STAB2: variants seen among roughly 807,000 people sequenced by gnomAD.
STAB2 encodes stabilin-2.
Under a neutral mutation model 338.1 loss-of-function variants are expected in STAB2, and 288 were observed. The ratio of observed to expected loss-of-function variants is 0.85; its 90% CI spans 0.77 to 0.94. The LOEUF is 0.94. Ranked by LOEUF, STAB2 falls within the 40% of genes least tolerant of loss-of-function variation. STAB2 has a pLI of 0.00. For missense variants in STAB2, 3,141 were observed against 3,210.1 expected (o/e 0.98, Z 0.52); for synonymous variants, 1,202 against 1,193.3 (o/e 1.01, Z -0.15).
chr12:103,713,200 G>A (rs1252536216), intron 41 of STAB2, among the ~76,000 whole-genome samples: 4 of 152,210 alleles, frequency 2.6e-5, no homozygotes, highest in Admixed American at 2.6e-4. Flanking sequence ...AACAGACCCA[G>A]CACATAGAAT....
rs1593197756 is a variant in STAB2 at position 103,663,195 on chromosome 12, G to A, written c.2022+197G>A. Among the ~76,000 whole-genome samples the A allele has an allele frequency of 2.0e-5, 3 of 152,162 alleles. No homozygotes were observed. In the South Asian group the frequency reaches 6.2e-4, roughly 32 times the overall value. ...TAAACTGTGAACCACAGTTCCTTGG[G>A]GAATTTCCGCAATGATAGATGCTGC... is the stretch of plus-strand genomic sequence containing the variant. On this transcript the variant is annotated intron_variant, in intron 18 of 68. Transcript: ENST00000388887.
At position 103,604,869 on chromosome 12, in the gene STAB2, C is replaced by T. The variant is rs79494134; in HGVS notation, c.331+10359C>T. 3.7e-3 allele frequency among the ~76,000 whole-genome samples: 562 copies of T among 151,476 alleles called. 6 individuals carry two copies. Among genetic ancestry groups the T allele is most frequent in the African/African-American group, 0.013 (544 of 41,390 alleles). ...CACTGCACTTTATACCTCCTATCTT[C>T]TGCTTGCTTGGGTTTCATGTGCTAT... On this transcript the variant is annotated intron_variant, in intron 3 of 68. Transcript: ENST00000388887.
Position 103,715,821 on chromosome 12 carries a change from AC to A in STAB2, c.4547del (p.Pro1516ArgfsTer45). ...TTGGCTTTTTGTTTTAAAGAAATCA[AC>A]CCGTGTTTGGAGAACCATGGTGGCT... Reference protein sequence around the residue: ...TGDGIVCLEINPCLENHGGCD... With the variant: ...TGDGIVCLEIXPCLENHGGCD... On this transcript the variant is annotated frameshift_variant, in exon 43 of 69. Coordinates refer to ENST00000388887, the MANE Select transcript of STAB2 (RefSeq NM_017564.10). LOFTEE classifies it high-confidence loss of function. 4 of 1,614,050 alleles carry A rather than the reference AC, an allele frequency of 2.5e-6. No individual in the cohort carries two copies. Among genetic ancestry groups the A allele is most frequent in the Non-Finnish European group, 3.4e-6 (4 of 1,179,976 alleles).
At chr12:103,747,589 A>G (rs1883167770) in intron 58 of STAB2, among the ~76,000 whole-genome samples, 1 of 152,152 alleles carries the variant, frequency 6.6e-6, no homozygotes, top group South Asian at 2.1e-4. Flanking sequence ...ATCTGCTCCC[A>G]TCCCATTGGC....
chr12:103,711,632 A>G, intron 40 of STAB2, 116 bp downstream of exon 40: 1 of 1,211,502 alleles, frequency 8.3e-7, no homozygotes, highest in Non-Finnish European at 1.2e-6. Flanking sequence ...CTGAGGGCTT[A>G]GGATAAACTT....
At chr12:103,683,451 A>G (rs1282678057) in intron 26 of STAB2, 151 bp downstream of exon 26, 2 of 594,414 alleles carry the variant, frequency 3.4e-6, no homozygotes, top group African/African-American at 1.9e-5. Context: ...AGTTATTGCA[A>G]CTTCTACTTC....
chr12:103,764,384 G>T (rs1884766355), intron 68 of STAB2, among the ~76,000 whole-genome samples: 1 of 152,148 alleles, frequency 6.6e-6, no homozygotes, highest in Non-Finnish European at 1.5e-5. Context: ...ATGGGTGGGT[G>T]TTCTGCTCTG....
At chr12:103,750,435 C>A in intron 59 of STAB2, 144 bp from the exon 60 acceptor site, 1 of 937,890 alleles carries the variant, frequency 1.1e-6, no homozygotes, top group Non-Finnish European at 1.6e-6. Flanking sequence ...CAGGACGTAG[C>A]AGTTATTCCC....
chr12:103,689,181 C>T (rs536138989), intron 28 of STAB2, among the ~76,000 whole-genome samples: 1 of 152,238 alleles, frequency 6.6e-6, no homozygotes, highest in South Asian at 2.1e-4. Flanking sequence ...ACTTCAAAGA[C>T]GTCCAAGAAT....
rs528500850 is a variant in STAB2 at position 103,674,056 on chromosome 12, G to A, written c.2521G>A (p.Ala841Thr). 2.0e-5 allele frequency: 33 copies of A among 1,613,252 alleles called. No individual in the cohort carries two copies. Among genetic ancestry groups the A allele is most frequent in the Middle Eastern group, 1.7e-4 (1 of 6,058 alleles). ...CTACGTGCAGTTCTGTCACATCCAC[G>A]CCACCTGTGAATACAGCAATGGGAC... ...GPYVQFCHIH[A>T]TCEYSNGTAS... The change falls in exon 23 of 69, where the codon GCC becomes ACC. Residue 841 changes from alanine to threonine, a missense_variant. By Grantham distance (58) the Ala-to-Thr change is moderately conservative. Coordinates refer to ENST00000388887, the MANE Select transcript of STAB2 (RefSeq NM_017564.10).
rs193098116 is a variant in STAB2, at chr12:103,640,236, C to G, written c.1020C>G (p.Thr340=). The G allele has an allele frequency of 6.2e-7, 1 of 1,613,062 alleles. No individual in the cohort carries two copies. The highest frequency in any genetic ancestry group is 1.3e-5 in the African/African-American group (1 of 74,840). Residue 340 remains threonine (T), a synonymous_variant, in exon 9 of 69, where the codon ACC becomes ACG. Coordinates refer to ENST00000388887, the MANE Select transcript of STAB2 (RefSeq NM_017564.10). ...GTCATAGGAATGCAAATTGCACCAC[C>G]GTCGCACCAGGCCGAACTGAGTAAG... ...NPCHRNANCT[T]VAPGRTECIC...
chr12:103,692,157 G>T (rs1877989840), intron 30 of STAB2, among the ~76,000 whole-genome samples: 1 of 152,188 alleles, frequency 6.6e-6, no homozygotes. Context: ...TTTGAGGGAA[G>T]GGCCTGTCTT....
At chr12:103,632,339 T>G (rs1168196869) in intron 6 of STAB2, among the ~76,000 whole-genome samples, 2 of 152,158 alleles carry the variant, frequency 1.3e-5, no homozygotes, top group South Asian at 4.1e-4. Context: ...GGATGGAGCA[T>G]AACAAAGGAA....
chr12:103,587,561 A>G lies in STAB2; in HGVS notation c.81+4A>G, dbSNP rs191422525. The stretch of plus-strand genomic sequence containing the variant: ...CCCAGCTGAAACCACAGGGCAGGTA[A>G]GAGGAGACTTACATATTTTTTTCAT... On this transcript the variant is annotated splice_donor_region_variant and intron_variant, in intron 1 of 68. Coordinates refer to ENST00000388887, the MANE Select transcript of STAB2 (RefSeq NM_017564.10). 1,255 of 1,612,176 alleles carry G rather than the reference A, an allele frequency of 7.8e-4. 12 individuals are homozygous for G. The highest frequency in any genetic ancestry group is 1.2e-3 in the Admixed American group (72 of 59,938).
At chr12:103,603,319 C>T (rs1221064850) in intron 3 of STAB2, among the ~76,000 whole-genome samples, 1 of 152,180 alleles carries the variant, frequency 6.6e-6, no homozygotes, top group African/African-American at 2.4e-5. Flanking sequence ...ATCTGCCCAC[C>T]TCAGCCTCCC....
chr12:103,655,073 T>A (rs2138745956), intron 13 of STAB2, among the ~76,000 whole-genome samples, 178 bp from the exon 14 acceptor site: 1 of 152,380 alleles, frequency 6.6e-6, no homozygotes, highest in South Asian at 2.1e-4. Context: ...CATGCAGATC[T>A]GAACTACTGT....
At chr12:103,717,938 C>T in intron 44 of STAB2, 97 bp downstream of exon 44, 1 of 1,217,318 alleles carries the variant, frequency 8.2e-7, no homozygotes, top group South Asian at 1.3e-5. Context: ...AACTCTTCCT[C>T]TGGAGGCCTC....
chr12:103,740,844 G>A, intron 55 of STAB2, 88 bp downstream of exon 55: 6 of 1,455,384 alleles, frequency 4.1e-6, no homozygotes, highest in Non-Finnish European at 5.4e-6. Context: ...CAAAATTATA[G>A]GGGGATGGGG....
rs151009841 is a variant in STAB2 at position 103,594,490 on chromosome 12, G to A, written c.311G>A (p.Arg104His). 8.1e-4 allele frequency: 1,308 copies of A among 1,613,634 alleles called. 1 individual carries two copies. Among genetic ancestry groups the A allele is most frequent in the Non-Finnish European group, 1.0e-3 (1,206 of 1,179,716 alleles). Residue 104 changes from arginine (R) to histidine (H), a missense_variant, in exon 3 of 69, where the codon CGC (arginine) becomes CAC (histidine). By Grantham distance (29) the Arg-to-His change is conservative (BLOSUM62 0). Transcript: ENST00000388887. ...DYLQPRCCPG[R>H]WGPDCIECPG... ...CTCCAACCTCGGTGTTGTCCTGGCC[G>A]CTGGGGCCCAGACTGTATAGGTAAG...
Sources: allele counts gnomAD v4.1 joint callset (sites outside exome capture counted in the v4.1 genomes callset), GRCh38; gene constraint gnomAD v4.1.1; transcripts MANE v1.5; gene names NCBI Gene and HGNC (gene_info 2026-07-23, HGNC 2026-07-21).